NKAIN3: variants seen among roughly 807,000 people sequenced by gnomAD.
The protein encoded by NKAIN3 is sodium/potassium-transporting ATPase subunit beta-1-interacting protein 3.
Under a neutral mutation model 30.2 loss-of-function variants are expected in NKAIN3, and 25 were observed. That is an observed-to-expected ratio of 0.83 (90% CI 0.60 to 1.16). NKAIN3 has a LOEUF of 1.16. Among genes scored for constraint, NKAIN3 ranks in the 50% most tolerant of loss-of-function variants. The pLI is 0.00. For synonymous variants in NKAIN3, 91 were observed against 89.6 expected (o/e 1.02, Z -0.09); for missense variants, 225 against 254.1 (o/e 0.89, Z 0.78).
chr8:62,855,628 C>T, intron 4 of NKAIN3: 2 of 1,603,804 alleles, frequency 1.2e-6, no homozygotes, highest in Non-Finnish European at 1.7e-6. Context: ...CCATCAAATC[C>T]AAGGCCAAGG....
At chr8:62,693,320 T>C (rs1256706704) in intron 3 of NKAIN3, among the ~76,000 whole-genome samples, 1 of 152,232 alleles carries the variant, frequency 6.6e-6, no homozygotes, top group East Asian at 1.9e-4. Flanking sequence ...CCTAAGATTA[T>C]ACACCTCATT....
intron 1 of NKAIN3, among the ~76,000 whole-genome samples, chr8:62,560,757 C>T (rs1435004131): frequency 2.0e-5 from 3 of 151,466 alleles, no homozygotes; most frequent in African/African-American, 7.3e-5. Flanking sequence ...GCCAGGCTGA[C>T]CCTGAACTCC....
chr8:62,391,253 C>T (rs1000244114), intron 1 of NKAIN3, among the ~76,000 whole-genome samples: 1 of 152,070 alleles, frequency 6.6e-6, no homozygotes, highest in Non-Finnish European at 1.5e-5. Flanking sequence ...TCTTTGGTAT[C>T]CTGGGAATTT....
At chr8:62,291,565 G>T (rs77961381) in intron 1 of NKAIN3, among the ~76,000 whole-genome samples, 6 of 152,034 alleles carry the variant, frequency 3.9e-5, no homozygotes, top group African/African-American at 1.4e-4. Flanking sequence ...AATTTCTTAA[G>T]TCTGAGTTCT....
intron 3 of NKAIN3, among the ~76,000 whole-genome samples, chr8:62,615,254 A>G (rs953994980): frequency 6.6e-6 from 1 of 152,056 alleles, no homozygotes; most frequent in African/African-American, 2.4e-5. Context: ...CTTCAAGGCA[A>G]CAGGGTGTGC....
At chr8:62,618,218 C>A (rs1811520034) in intron 3 of NKAIN3, among the ~76,000 whole-genome samples, 1 of 152,118 alleles carries the variant, frequency 6.6e-6, no homozygotes, top group South Asian at 2.1e-4. Context: ...TGAGGAAATC[C>A]TATTTCTGAG....
chr8:62,659,762 G>A (rs566195119), intron 3 of NKAIN3, among the ~76,000 whole-genome samples: 1 of 152,286 alleles, frequency 6.6e-6, no homozygotes, highest in South Asian at 2.1e-4. Context: ...TGTGTTGTGG[G>A]AGGGACCTAG....
chr8:62,446,482 C>A (rs188325538), intron 1 of NKAIN3, among the ~76,000 whole-genome samples: 1 of 152,124 alleles, frequency 6.6e-6, no homozygotes, highest in African/African-American at 2.4e-5. Context: ...CTACAATTTA[C>A]AATTTTAACC....
intron 1 of NKAIN3, among the ~76,000 whole-genome samples, chr8:62,441,936 A>G (rs553808754): frequency 2.2e-4 from 34 of 152,200 alleles, no homozygotes; most frequent in African/African-American, 5.8e-4. Context: ...GACTTTGATT[A>G]TCAGACTGAA....
At chr8:62,719,017 G>A (rs1814997474) in intron 3 of NKAIN3, among the ~76,000 whole-genome samples, 1 of 152,274 alleles carries the variant, frequency 6.6e-6, no homozygotes, top group South Asian at 2.1e-4. Flanking sequence ...CACAGGCTAC[G>A]AAAAGATAAA....
At chr8:62,813,006 C>T (rs75428573) in intron 4 of NKAIN3, among the ~76,000 whole-genome samples, 1,879 of 151,864 alleles carry the variant, frequency 0.012, 17 homozygotes, top group Non-Finnish European at 0.02. Flanking sequence ...GAAGTAGTAC[C>T]TTTACTAAGT....
chr8:62,301,282 T>G (rs1814041909), intron 1 of NKAIN3, among the ~76,000 whole-genome samples: 1 of 152,062 alleles, frequency 6.6e-6, no homozygotes, highest in African/African-American at 2.4e-5. Context: ...AAGAAAAACT[T>G]TAGAAAAATT....
At chr8:62,488,430 T>TTATGTTTATG (rs1806968220) in intron 1 of NKAIN3, among the ~76,000 whole-genome samples, 1 of 152,232 alleles carries the variant, frequency 6.6e-6, no homozygotes, top group Non-Finnish European at 1.5e-5. Context: ...TATGTAACTG[T>TTATGTTTATG]TCATTGCCCC....
intron 4 of NKAIN3, among the ~76,000 whole-genome samples, chr8:62,768,593 T>C (rs746922383): frequency 3.0e-4 from 45 of 152,150 alleles, no homozygotes; most frequent in Non-Finnish European, 5.3e-4. Context: ...GAATGTGGAC[T>C]TTGGGATGAG....
At chr8:62,320,701 A>C (rs1463137257) in intron 1 of NKAIN3, among the ~76,000 whole-genome samples, 1 of 152,226 alleles carries the variant, frequency 6.6e-6, no homozygotes, top group African/African-American at 2.4e-5. Flanking sequence ...CCAAGAGATC[A>C]GCTGTTAGTC....
intron 3 of NKAIN3, among the ~76,000 whole-genome samples, chr8:62,674,343 C>T (rs1813405588): frequency 6.6e-6 from 1 of 152,188 alleles, no homozygotes; most frequent in Admixed American, 6.5e-5. Context: ...TTTATTTCCT[C>T]AGAAGCAGAT....
chr8:62,801,645 T>A (rs1022753363), intron 4 of NKAIN3, among the ~76,000 whole-genome samples: 20 of 151,900 alleles, frequency 1.3e-4, no homozygotes, highest in Non-Finnish European at 2.5e-4. Context: ...AGACCAAAAG[T>A]AGATAAAACC....
intron 1 of NKAIN3, among the ~76,000 whole-genome samples, chr8:62,571,863 A>G: frequency 6.6e-6 from 1 of 152,104 alleles, no homozygotes; most frequent in East Asian, 1.9e-4. Flanking sequence ...TAGGCTGCAC[A>G]CAGCATAGGA....
intron 3 of NKAIN3, among the ~76,000 whole-genome samples, chr8:62,714,648 A>G (rs2130501964): frequency 6.6e-6 from 1 of 152,318 alleles, no homozygotes; most frequent in African/African-American, 2.4e-5. Context: ...TAATGAATAC[A>G]AGCTATGTTT....
Sources: allele counts gnomAD v4.1 joint callset (sites outside exome capture counted in the v4.1 genomes callset), GRCh38; gene constraint gnomAD v4.1.1; transcripts MANE v1.5; gene names NCBI Gene and HGNC (gene_info 2026-07-23, HGNC 2026-07-21).